CDC14B: variants seen among roughly 807,000 people sequenced by gnomAD.
CDC14B encodes dual specificity protein phosphatase CDC14B.
In CDC14B, 22 loss-of-function variants were observed where a neutral mutation model predicts 64.2. The observed-to-expected ratio is 0.34, with a 90% confidence interval of 0.24 to 0.49. The LOEUF is 0.49. CDC14B is among the 20% of genes least tolerant of loss of function. CDC14B has a pLI of 0.99. For synonymous variants in CDC14B, 191 were observed against 215.8 expected (o/e 0.89, Z 1.01); for missense variants, 498 against 629.9 (o/e 0.79, Z 2.24).
chr9:96,598,704 C>T (rs1181109790), intron 1 of CDC14B, among the ~76,000 whole-genome samples: 1 of 152,148 alleles, frequency 6.6e-6, no homozygotes, highest in Non-Finnish European at 1.5e-5. Flanking sequence ...GTAAAGCTTC[C>T]ATCAAAATTA....
chr9:96,530,859 GT>G (rs752468253), intron 9 of CDC14B, among the ~76,000 whole-genome samples: 18 of 152,098 alleles, frequency 1.2e-4, no homozygotes, highest in Non-Finnish European at 2.4e-4. Flanking sequence ...TTTGTACTGT[GT>G]TTTTATCACA....
chr9:96,510,681 C>T (rs1410959702), intron 12 of CDC14B, among the ~76,000 whole-genome samples: 4 of 151,654 alleles, frequency 2.6e-5, no homozygotes, highest in Admixed American at 6.6e-5. Flanking sequence ...TCTCGACTCA[C>T]TGCAACCTCT....
At chr9:96,569,118 A>G (rs950735019) in intron 1 of CDC14B, among the ~76,000 whole-genome samples, 1 of 152,214 alleles carries the variant, frequency 6.6e-6, no homozygotes, top group Admixed American at 6.5e-5. Flanking sequence ...AGGGAATAAG[A>G]GAGATTTATG....
At chr9:96,541,721 T>C (rs1459474381) in intron 6 of CDC14B, 105 bp downstream of exon 6, 1 of 675,354 alleles carries the variant, frequency 1.5e-6, no homozygotes, top group Non-Finnish European at 2.4e-6. Context: ...CATAGGCATC[T>C]TGGAAGAAAC....
At chr9:96,591,660 T>C (rs909816012) in intron 1 of CDC14B, among the ~76,000 whole-genome samples, 2 of 152,210 alleles carry the variant, frequency 1.3e-5, no homozygotes, top group Admixed American at 6.5e-5. Context: ...AATCTGCAGA[T>C]AGCTTTAGGT....
chr9:96,603,115 C>A (rs1443869228), intron 1 of CDC14B, among the ~76,000 whole-genome samples: 1 of 149,024 alleles, frequency 6.7e-6, no homozygotes, highest in Non-Finnish European at 1.5e-5. Flanking sequence ...AGATGCAGAA[C>A]AATGAGAATA....
chr9:96,525,519 A>T (rs1396666920), intron 9 of CDC14B, among the ~76,000 whole-genome samples: 1 of 151,780 alleles, frequency 6.6e-6, no homozygotes, highest in East Asian at 1.9e-4. Flanking sequence ...GTTACAGCAA[A>T]CCCAGCTGCC....
chr9:96,587,551 C>G (rs1845522006), intron 1 of CDC14B, among the ~76,000 whole-genome samples: 1 of 152,302 alleles, frequency 6.6e-6, no homozygotes, highest in South Asian at 2.1e-4. Flanking sequence ...TGAGCTCACA[C>G]CAGACACTCA....
chr9:96,510,023 G>C (rs10820745), intron 12 of CDC14B, among the ~76,000 whole-genome samples: 27,169 of 152,102 alleles, frequency 0.18, 2,553 homozygotes, highest in African/African-American at 0.23. Flanking sequence ...CTTTGCTCCT[G>C]GAAGGCGAAT....
intron 9 of CDC14B, among the ~76,000 whole-genome samples, chr9:96,529,975 C>T (rs1162903985): frequency 6.6e-6 from 1 of 152,114 alleles, no homozygotes; most frequent in Non-Finnish European, 1.5e-5. Flanking sequence ...TCGGGCAATA[C>T]TGACATGTTA....
At chr9:96,543,005 C>G (rs1214203379) in intron 5 of CDC14B, among the ~76,000 whole-genome samples, 1 of 147,156 alleles carries the variant, frequency 6.8e-6, no homozygotes, top group South Asian at 2.2e-4. Context: ...GAGACTCTAT[C>G]TCAAAAAACA....
intron 6 of CDC14B, among the ~76,000 whole-genome samples, chr9:96,540,723 G>A (rs573848548): frequency 2.0e-5 from 3 of 152,002 alleles, no homozygotes; most frequent in Admixed American, 6.5e-5. Context: ...CTGCCTGCAT[G>A]AGCCCACCTG....
At chr9:96,605,211 G>A (rs1846805069) in intron 1 of CDC14B, among the ~76,000 whole-genome samples, 1 of 152,094 alleles carries the variant, frequency 6.6e-6, no homozygotes, top group African/African-American at 2.4e-5. Context: ...GTAATGGAAT[G>A]CAGCAGGCGC....
intron 12 of CDC14B, among the ~76,000 whole-genome samples, chr9:96,516,095 A>C (rs1180669686): frequency 6.6e-6 from 1 of 152,244 alleles, no homozygotes; most frequent in Non-Finnish European, 1.5e-5. Flanking sequence ...GAGGTTCTTC[A>C]AAAAGCAGAA....
intron 13 of CDC14B, among the ~76,000 whole-genome samples, chr9:96,495,064 G>A (rs1283284945): frequency 6.6e-6 from 1 of 151,812 alleles, no homozygotes; most frequent in Non-Finnish European, 1.5e-5. Flanking sequence ...TCGATCTCCT[G>A]ACCTCATGAT....
At chr9:96,608,177 A>G (rs1374758352) in intron 1 of CDC14B, among the ~76,000 whole-genome samples, 6 of 152,204 alleles carry the variant, frequency 3.9e-5, no homozygotes, top group Non-Finnish European at 1.5e-5. Context: ...TTCAGCAGCT[A>G]TTACAAGGAT....
chr9:96,493,464 G>A (rs375548512), intron 13 of CDC14B, among the ~76,000 whole-genome samples: 1 of 152,218 alleles, frequency 6.6e-6, no homozygotes, highest in Non-Finnish European at 1.5e-5. Context: ...GGAGGATGAG[G>A]TGTGGAAAAG....
At chr9:96,517,484 C>A (rs1299459592) in intron 12 of CDC14B, among the ~76,000 whole-genome samples, 1 of 148,842 alleles carries the variant, frequency 6.7e-6, no homozygotes, top group Non-Finnish European at 1.5e-5. Context: ...AACCCCGTCT[C>A]TACTAAAAAT....
At chr9:96,509,868 AC>A in intron 12 of CDC14B, 79 bp from the exon 13 acceptor site, 1 of 848,998 alleles carries the variant, frequency 1.2e-6, no homozygotes, top group East Asian at 2.5e-5. Flanking sequence ...GTATTTTTGC[AC>A]TTTAGTGCAA....
Sources: allele counts gnomAD v4.1 joint callset (sites outside exome capture counted in the v4.1 genomes callset), GRCh38; gene constraint gnomAD v4.1.1; transcripts MANE v1.5; gene names NCBI Gene and HGNC (gene_info 2026-07-23, HGNC 2026-07-21).